USP25: variants seen among roughly 807,000 people sequenced by gnomAD.
USP25 encodes ubiquitin carboxyl-terminal hydrolase 25.
A neutral mutation model predicts 158.5 loss-of-function variants in USP25; 85 were observed. The ratio of observed to expected loss-of-function variants is 0.54; its 90% CI spans 0.45 to 0.64. The LOEUF (loss-of-function observed/expected upper bound fraction) is 0.64. Ranked by LOEUF, USP25 falls within the 30% of genes least tolerant of loss-of-function variation. USP25 has a pLI of 0.00. For missense variants in USP25, 1,242 were observed against 1,327.3 expected (o/e 0.94, Z 1.00); for synonymous variants, 464 against 460.4 (o/e 1.01, Z -0.10).
At chr21:15,863,328 T>G (rs983011000) in intron 20 of USP25, among the ~76,000 whole-genome samples, 4 of 152,162 alleles carry the variant, frequency 2.6e-5, no homozygotes, top group Admixed American at 6.5e-5. Context: ...ATAATAGTGA[T>G]AATATATTAT....
chr21:15,876,739 T>TA (rs909387364), intron 24 of USP25: 5 of 152,226 alleles, frequency 3.3e-5, no homozygotes, highest in South Asian at 2.1e-4. Context: ...ACACAAAGCC[T>TA]AACCATATCA....
intron 3 of USP25, among the ~76,000 whole-genome samples, chr21:15,769,055 C>CT (rs1408807044): frequency 6.6e-6 from 1 of 151,574 alleles, no homozygotes; most frequent in Non-Finnish European, 1.5e-5. Context: ...TTTTTGCTGA[C>CT]TAGAAAAATT....
intron 3 of USP25, among the ~76,000 whole-genome samples, chr21:15,776,757 T>A (rs1262127311): frequency 6.6e-6 from 1 of 152,112 alleles, no homozygotes; most frequent in Non-Finnish European, 1.5e-5. Flanking sequence ...GGAGGATCAC[T>A]GGAGCTCAGG....
chr21:15,793,704 G>A (rs2123632706), intron 5 of USP25, among the ~76,000 whole-genome samples: 2 of 151,526 alleles, frequency 1.3e-5, no homozygotes, highest in South Asian at 4.2e-4. Context: ...ATAAGATAAT[G>A]GCTTTTGAGG....
intron 1 of USP25, among the ~76,000 whole-genome samples, chr21:15,740,391 C>T (rs550544827): frequency 3.3e-5 from 5 of 152,042 alleles, no homozygotes; most frequent in African/African-American, 4.8e-5. Context: ...GGTCTTTGAA[C>T]GGACATTGTT....
At position 15,845,340 on chromosome 21, in the gene USP25, C is replaced by T. The variant is rs534643489; in HGVS notation, c.2338-2323C>T. 1.4e-4 allele frequency among the ~76,000 whole-genome samples: 22 copies of T among 152,154 alleles called. 1 individual carries two copies. In the South Asian group the frequency reaches 4.4e-3, roughly 30 times the overall value. Reference sequence around the variant, plus strand: ...CAAGTTTAGCCTTTGTTAATGTATTCATATAAGACCTGAAAACAATAGAAA... The same window carrying T: ...CAAGTTTAGCCTTTGTTAATGTATTTATATAAGACCTGAAAACAATAGAAA... On this transcript the variant is annotated intron_variant, in intron 18 of 25. Coordinates refer to ENST00000400183, the MANE Select transcript of USP25 (RefSeq NM_001283041.3).
intron 10 of USP25, among the ~76,000 whole-genome samples, chr21:15,820,347 ATTGT>A (rs1231172843): frequency 6.6e-6 from 1 of 151,958 alleles, no homozygotes; most frequent in Non-Finnish European, 1.5e-5. Flanking sequence ...TTGAAATTTT[ATTGT>A]TTATTTAAAA....
At chr21:15,801,500 T>C (rs187584219) in intron 6 of USP25, among the ~76,000 whole-genome samples, 13 of 151,686 alleles carry the variant, frequency 8.6e-5, no homozygotes, top group Admixed American at 7.9e-4. Flanking sequence ...TCCACAAATG[T>C]GACTCTAATT....
chr21:15,805,435 TTAAAA>T (rs1014225129), intron 7 of USP25, 177 bp downstream of exon 7: 27 of 533,706 alleles, frequency 5.1e-5, no homozygotes, highest in African/African-American at 3.6e-4. Context: ...CTTGAAGGTG[TTAAAA>T]TAAAGTTTTA....
chr21:15,769,840 A>G (rs2034249634), intron 3 of USP25, among the ~76,000 whole-genome samples: 1 of 152,184 alleles, frequency 6.6e-6, no homozygotes, highest in South Asian at 2.1e-4. Flanking sequence ...TCAAAAGATA[A>G]GAGGGATTTG....
intron 1 of USP25, among the ~76,000 whole-genome samples, chr21:15,741,011 G>A (rs1248297481): frequency 6.6e-6 from 1 of 151,938 alleles, no homozygotes; most frequent in Non-Finnish European, 1.5e-5. Context: ...AATTTGTCCT[G>A]TATCACCTTT....
At chr21:15,767,634 A>T (rs985036822) in intron 3 of USP25, among the ~76,000 whole-genome samples, 21 of 152,054 alleles carry the variant, frequency 1.4e-4, no homozygotes, top group African/African-American at 4.3e-4. Context: ...AATATTTTGG[A>T]TATTTCAAAG....
chr21:15,779,477 G>A (rs560024943), intron 4 of USP25, among the ~76,000 whole-genome samples: 33 of 151,522 alleles, frequency 2.2e-4, no homozygotes, highest in Non-Finnish European at 4.0e-4. Flanking sequence ...TTGTTTATAT[G>A]AATTTATATG....
At chr21:15,763,639 G>C (rs1338023749) in intron 2 of USP25, among the ~76,000 whole-genome samples, 1 of 152,028 alleles carries the variant, frequency 6.6e-6, no homozygotes, top group African/African-American at 2.4e-5. Context: ...TACTACTATA[G>C]GCTAAAAACA....
intron 20 of USP25, among the ~76,000 whole-genome samples, chr21:15,860,975 T>TATATAGAGAG (rs910137325): frequency 1.4e-5 from 2 of 140,624 alleles, no homozygotes; most frequent in African/African-American, 2.6e-5. Flanking sequence ...TATATATATA[T>TATATAGAGAG]AGAGAGAGAG....
chr21:15,856,194 A>G (rs373190342), intron 20 of USP25, among the ~76,000 whole-genome samples: 118 of 152,324 alleles, frequency 7.7e-4, no homozygotes, highest in African/African-American at 2.7e-3. Context: ...AGTTATTAGT[A>G]TGATAAAGAA....
chr21:15,854,761 C>T (rs2039055795), intron 20 of USP25, among the ~76,000 whole-genome samples: 1 of 152,242 alleles, frequency 6.6e-6, no homozygotes, highest in South Asian at 2.1e-4. Context: ...ACTCTTTCAA[C>T]CACAGGCCAT....
In USP25 at chr21:15,861,999, A is replaced by G. The variant is rs547955065; in HGVS notation, c.2548-2269A>G. ...ATAATCTTAGAGTATAAGAGGTTAT[A>G]TATTTCAGTTCTATAATAGAAATCT... On this transcript the variant is annotated intron_variant, in intron 20 of 25. Transcript: ENST00000400183. Among the ~76,000 whole-genome samples, 8 of 152,268 alleles carry G rather than the reference A, an allele frequency of 5.3e-5. No individual in the cohort carries two copies. The South Asian group carries it at 1.0e-3, about 20-fold the overall frequency.
intron 4 of USP25, among the ~76,000 whole-genome samples, chr21:15,789,159 G>C (rs1279992098): frequency 6.6e-6 from 1 of 152,012 alleles, no homozygotes; most frequent in Non-Finnish European, 1.5e-5. Flanking sequence ...CATTATCTCA[G>C]TATATCAATG....
Sources: allele counts gnomAD v4.1 joint callset (sites outside exome capture counted in the v4.1 genomes callset), GRCh38; gene constraint gnomAD v4.1.1; transcripts MANE v1.5; gene names NCBI Gene and HGNC (gene_info 2026-07-23, HGNC 2026-07-21).